Variants in ATP2B2 observed in about 807,000 individuals in gnomAD.
The protein encoded by ATP2B2 is ATPase plasma membrane Ca2+ transporting 2.
A neutral mutation model predicts 120.0 loss-of-function variants in ATP2B2; 15 were observed. The observed-to-expected ratio is 0.12, with a 90% CI of 0.08 to 0.19. The LOEUF (loss-of-function observed/expected upper bound fraction) is 0.19, where lower values mean the gene tolerates loss of function less well. Among genes scored for constraint, ATP2B2 ranks in the 10% least tolerant of loss-of-function variants. ATP2B2 has a pLI of 1.00. For missense variants in ATP2B2, 1,045 were observed against 1,719.8 expected, an observed-to-expected ratio of 0.61 and a Z score of 6.94; for synonymous variants, 694 against 700.3, an observed-to-expected ratio of 0.99 and a Z score of 0.14.
chr3:10,590,740 G>A (rs985491972), intron 2 of ATP2B2, among the ~76,000 whole-genome samples: 3 of 152,252 alleles, frequency 2.0e-5, no homozygotes, highest in African/African-American at 7.2e-5. Flanking sequence ...TGAAGAGGAA[G>A]GAGGCCAGTT....
In ATP2B2 at chr3:10,494,488, C is replaced by T. The variant is rs116997657; in HGVS notation, c.-320+10977G>A. Among the ~76,000 whole-genome samples the T allele has an allele frequency of 7.4e-4, 113 of 152,324 alleles. 2 individuals carry two copies. In the East Asian group the frequency reaches 0.02, roughly 27 times the overall value. ...AAGCTCCAGGGGCTGCTCTTAACCACTGCCCTGTGCCTTCTCCTCCAGTTA... is the reference window on the plus strand; with the variant it reads ...AAGCTCCAGGGGCTGCTCTTAACCATTGCCCTGTGCCTTCTCCTCCAGTTA... On this transcript the variant is annotated intron_variant, in intron 1 of 22. Transcript: ENST00000360273.
Position 10,340,726 on chromosome 3 carries a change from C to T in ATP2B2, c.2918-22G>A, listed in dbSNP as rs767815387. The T allele has an allele frequency of 9.9e-6, 16 of 1,613,288 alleles. No individual in the cohort carries two copies. In the Admixed American group the frequency reaches 1.0e-4, roughly 10 times the overall value. Reference sequence around the variant, plus strand: ...TCGCCTGCCAAGTGAGAGAGTGGGGCTGGGCTGAAGGCAGTGGTGGGGGAA... The same window carrying T: ...TCGCCTGCCAAGTGAGAGAGTGGGGTTGGGCTGAAGGCAGTGGTGGGGGAA... On this transcript the variant is annotated intron_variant, in intron 19 of 22. Transcript: ENST00000360273. The surrounding 1 kb of genome is among the most constrained non-coding windows in gnomAD (Gnocchi z 5.0).
chr3:10,654,336 G>C (rs976447162), intron 1 of ATP2B2, among the ~76,000 whole-genome samples: 2 of 152,114 alleles, frequency 1.3e-5, no homozygotes, highest in African/African-American at 4.8e-5. Flanking sequence ...TTGTAACCCA[G>C]GGCCTACTTA....
At chr3:10,376,869 G>A (rs1312794611) in intron 10 of ATP2B2, among the ~76,000 whole-genome samples, 2 of 152,022 alleles carry the variant, frequency 1.3e-5, no homozygotes, top group African/African-American at 4.8e-5. Flanking sequence ...GGATGGATTT[G>A]GGTTGCTCCA....
At chr3:10,423,353 C>T (rs926520372) in intron 2 of ATP2B2, among the ~76,000 whole-genome samples, 2 of 152,186 alleles carry the variant, frequency 1.3e-5, no homozygotes, top group African/African-American at 2.4e-5. Context: ...GCGGAAGCGA[C>T]TTGATCCAGG....
chr3:10,555,218 C>T (rs1366325809), intron 2 of ATP2B2, among the ~76,000 whole-genome samples: 1 of 152,230 alleles, frequency 6.6e-6, no homozygotes, highest in Non-Finnish European at 1.5e-5. Flanking sequence ...TTTCTCTCAG[C>T]CAGGCCCAGG....
chr3:10,629,896 G>A (rs769845199), intron 1 of ATP2B2, among the ~76,000 whole-genome samples: 1 of 152,218 alleles, frequency 6.6e-6, no homozygotes, highest in Non-Finnish European at 1.5e-5. Flanking sequence ...GATGCTGTGC[G>A]TGTGGAAGGG....
chr3:10,324,705 G>C lies in ATP2B2; in HGVS notation c.*4109C>G, dbSNP rs2059833164. On this transcript the variant is annotated 3_prime_UTR_variant, in exon 23 of 23. Coordinates refer to ENST00000360273, the MANE Select transcript of ATP2B2 (RefSeq NM_001001331.4). ...TGGGCTAGGGGAGTGAGGGTTCCGA[G>C]AAGGCCCAGGCAAGAACTGCCTGCA... 1 of 152,236 alleles carries C rather than the reference G, an allele frequency of 6.6e-6. No homozygotes were observed. Among genetic ancestry groups the C allele is most frequent in the Non-Finnish European group, 1.5e-5 (1 of 68,082 alleles). 9.4% of individuals were successfully genotyped at this position (152,236 alleles called of 1,614,324 possible). A position where few individuals can be genotyped will look rare whatever the true frequency, so the allele number is the denominator to read the frequency against.
intron 1 of ATP2B2, among the ~76,000 whole-genome samples, chr3:10,495,770 C>T (rs2066122192): frequency 6.6e-6 from 1 of 152,240 alleles, no homozygotes; most frequent in Admixed American, 6.5e-5. Flanking sequence ...CTTCACCACA[C>T]TGACCCCATT....
At chr3:10,542,820 G>A (rs1013681153) in intron 2 of ATP2B2, among the ~76,000 whole-genome samples, 3 of 152,094 alleles carry the variant, frequency 2.0e-5, no homozygotes, top group African/African-American at 4.8e-5. Context: ...ATTTCCTTGG[G>A]TTTAACCTCT....
chr3:10,465,000 C>G (rs958356127), intron 1 of ATP2B2, among the ~76,000 whole-genome samples: 4 of 152,232 alleles, frequency 2.6e-5, no homozygotes, highest in African/African-American at 7.2e-5. Context: ...CACCTTCATC[C>G]TTGGGCCAAA....
chr3:10,335,911 A>G (rs1178171690), intron 22 of ATP2B2, among the ~76,000 whole-genome samples: 6 of 152,090 alleles, frequency 3.9e-5, no homozygotes, highest in African/African-American at 1.4e-4. Flanking sequence ...TGGGACCCTA[A>G]TGACCCTCTG....
intron 2 of ATP2B2, among the ~76,000 whole-genome samples, chr3:10,593,562 T>C (rs1156959537): frequency 6.6e-6 from 1 of 152,128 alleles, no homozygotes; most frequent in East Asian, 1.9e-4. Context: ...CAAAAATTAA[T>C]TCAAGATGGA....
At chr3:10,550,101 C>T (rs1361351666) in intron 2 of ATP2B2, among the ~76,000 whole-genome samples, 1 of 152,232 alleles carries the variant, frequency 6.6e-6, no homozygotes, top group Non-Finnish European at 1.5e-5. Context: ...GTCTTGGGAA[C>T]TTAGCCCAAG....
At chr3:10,646,752 AC>A (rs1353609759) in intron 1 of ATP2B2, among the ~76,000 whole-genome samples, 2 of 152,240 alleles carry the variant, frequency 1.3e-5, no homozygotes, top group East Asian at 1.9e-4. Flanking sequence ...CTAGAGAAAA[AC>A]CAACAACAAG....
chr3:10,414,770 T>TC (rs2062726207), intron 2 of ATP2B2, among the ~76,000 whole-genome samples: 1 of 151,910 alleles, frequency 6.6e-6, no homozygotes, highest in Non-Finnish European at 1.5e-5. Context: ...AGCTTCTCTG[T>TC]CCCTCCCTCC....
rs1194062146 is a variant in ATP2B2 at position 10,350,164 on chromosome 3, C to T, written c.2352G>A (p.Lys784=). 1.4e-6 allele frequency: 2 copies of T among 1,471,198 alleles called. No homozygotes were observed. Among genetic ancestry groups the T allele is most frequent in the Non-Finnish European group, 9.1e-7 (1 of 1,095,834 alleles). The allele number at this position is 1,471,198 out of a possible 1,614,324, so 91.1% of individuals were successfully genotyped here. A position where few individuals can be genotyped will look rare whatever the true frequency, so the allele number is the denominator to read the frequency against. ...GGGAGGAGCGAGCCAGCACCCGCAG[C>T]TTTGGCCAGATCTTGTCAATTCGCT... The part of the protein sequence containing the change: ...EQERIDKIWP[K]LRVLARSSPT... Residue 784 remains lysine, a synonymous_variant, in exon 16 of 23, where the codon AAG becomes AAA. Coordinates refer to ENST00000360273, the MANE Select transcript of ATP2B2 (RefSeq NM_001001331.4).
intron 2 of ATP2B2, among the ~76,000 whole-genome samples, chr3:10,606,440 C>G (rs2069068849): frequency 6.6e-6 from 1 of 152,102 alleles, no homozygotes; most frequent in South Asian, 2.1e-4. Context: ...AGATCTCAGC[C>G]CCTGACCAGG....
chr3:10,618,096 G>A (rs1189540452), intron 2 of ATP2B2, among the ~76,000 whole-genome samples: 2 of 152,210 alleles, frequency 1.3e-5, no homozygotes, highest in African/African-American at 4.8e-5. Context: ...TGAATACATT[G>A]TTTTATCCAT....
Sources: gnomAD v4.1 joint callset for allele counts (sites outside exome capture counted in the v4.1 genomes callset) on GRCh38, gnomAD v4.1.1 for gene constraint, Gnocchi (gnomAD v3.1) non-coding constraint, MANE v1.5 for transcripts, NCBI Gene and HGNC (gene_info 2026-07-23, HGNC 2026-07-21) for gene names.